Variants in SH3D19 observed in about 807,000 individuals in gnomAD.
SH3D19 encodes the protein SH3 domain containing 19.
Under a neutral mutation model 112.1 loss-of-function variants are expected in SH3D19, and 58 were observed. That is an observed-to-expected ratio of 0.52 (90% confidence interval 0.42 to 0.64). The LOEUF is 0.64. Ranked by LOEUF, SH3D19 falls within the 30% of genes least tolerant of loss-of-function variation. SH3D19 has a pLI of 0.00. For missense variants in SH3D19, 1,090 were observed against 1,263.4 expected (o/e 0.86, Z 2.08); for synonymous variants, 391 against 448.5 (o/e 0.87, Z 1.62).
At chr4:151,153,495 C>T (rs901594968) in intron 9 of SH3D19, among the ~76,000 whole-genome samples, 4 of 152,182 alleles carry the variant, frequency 2.6e-5, no homozygotes, top group Non-Finnish European at 2.9e-5. Context: ...GATCCACCTG[C>T]CTCAGCCTCC....
At chr4:151,199,527 G>A (rs1197568300) in intron 2 of SH3D19, among the ~76,000 whole-genome samples, 1 of 152,170 alleles carries the variant, frequency 6.6e-6, no homozygotes, top group Non-Finnish European at 1.5e-5. Context: ...CTCTGCCTGG[G>A]AAATGATAAA....
intron 17 of SH3D19, among the ~76,000 whole-genome samples, chr4:151,130,757 C>T (rs1308508314): frequency 2.0e-5 from 3 of 151,982 alleles, no homozygotes; most frequent in East Asian, 1.9e-4. Context: ...CTGGCCAAGA[C>T]GGTAAAACCC....
At chr4:151,295,525 G>A (rs1775641862) in intron 1 of SH3D19, among the ~76,000 whole-genome samples, 1 of 152,136 alleles carries the variant, frequency 6.6e-6, no homozygotes, top group Admixed American at 6.5e-5. Context: ...TTTGACTTCG[G>A]AATTCATCAC....
intron 17 of SH3D19, among the ~76,000 whole-genome samples, chr4:151,130,353 T>C (rs912520588): frequency 6.6e-6 from 1 of 152,054 alleles, no homozygotes; most frequent in African/African-American, 2.4e-5. Context: ...GGTGGATTGC[T>C]TGAGCCTGGG....
At chr4:151,208,838 C>T (rs992350912) in intron 2 of SH3D19, among the ~76,000 whole-genome samples, 7 of 151,708 alleles carry the variant, frequency 4.6e-5, no homozygotes, top group South Asian at 2.1e-4. Context: ...CCACCACGCC[C>T]GGGTAATTTT....
At chr4:151,132,270 T>C in intron 17 of SH3D19, 61 bp downstream of exon 17, 1 of 1,345,076 alleles carries the variant, frequency 7.4e-7, no homozygotes. Flanking sequence ...ATTATGATTT[T>C]AATATTCCTC....
intron 1 of SH3D19, among the ~76,000 whole-genome samples, chr4:151,237,268 C>A (rs549583841): frequency 1.3e-5 from 2 of 152,180 alleles, no homozygotes; most frequent in South Asian, 4.1e-4. Context: ...CCGCCAATTT[C>A]GGACATAAGG....
chr4:151,129,114 A>T (rs1307628882), intron 17 of SH3D19, among the ~76,000 whole-genome samples: 1 of 152,194 alleles, frequency 6.6e-6, no homozygotes, highest in Non-Finnish European at 1.5e-5. Flanking sequence ...TTGGTCTATG[A>T]ATTCCCAGGT....
chr4:151,242,923 A>T (rs1770670810), intron 1 of SH3D19, among the ~76,000 whole-genome samples: 1 of 152,238 alleles, frequency 6.6e-6, no homozygotes, highest in African/African-American at 2.4e-5. Context: ...GAAGCTGAAC[A>T]TAGATTTGGC....
intron 2 of SH3D19, among the ~76,000 whole-genome samples, chr4:151,202,642 G>A (rs780592611): frequency 3.3e-5 from 5 of 152,166 alleles, no homozygotes; most frequent in African/African-American, 4.8e-5. Flanking sequence ...GGAATCAACC[G>A]AAATGAAGGT....
chr4:151,137,258 T>C (rs547136281), intron 14 of SH3D19, among the ~76,000 whole-genome samples: 13 of 152,216 alleles, frequency 8.5e-5, no homozygotes, highest in Non-Finnish European at 1.3e-4. Context: ...TAAATACTTC[T>C]GTATTCCCAA....
chr4:151,150,989 C>T (rs1754969534), intron 9 of SH3D19, among the ~76,000 whole-genome samples: 1 of 132,334 alleles, frequency 7.6e-6, no homozygotes, highest in Admixed American at 8.3e-5. Context: ...GAGACAGAGT[C>T]TCACTCTGTC....
At chr4:151,297,171 A>G (rs1441816441) in intron 1 of SH3D19, among the ~76,000 whole-genome samples, 2 of 152,274 alleles carry the variant, frequency 1.3e-5, no homozygotes, top group African/African-American at 4.8e-5. Context: ...TTAATAATTG[A>G]GAAGAAACAT....
chr4:151,207,270 A>C (rs553771797), intron 2 of SH3D19, among the ~76,000 whole-genome samples: 1 of 152,358 alleles, frequency 6.6e-6, no homozygotes, highest in African/African-American at 2.4e-5. Flanking sequence ...AATCTACAAG[A>C]GGAACAATTA....
At chr4:151,279,514 G>T (rs753026565) in intron 1 of SH3D19, among the ~76,000 whole-genome samples, 2 of 152,202 alleles carry the variant, frequency 1.3e-5, no homozygotes, top group Non-Finnish European at 2.9e-5. Flanking sequence ...TCTGTTCAGT[G>T]AATCTAGATA....
At chr4:151,184,623 C>T (rs1428646511) in intron 3 of SH3D19, among the ~76,000 whole-genome samples, 2 of 152,104 alleles carry the variant, frequency 1.3e-5, no homozygotes, top group African/African-American at 4.8e-5. Flanking sequence ...ACCGTTTTCT[C>T]TTCTTTCATG....
rs189646151 is a variant in SH3D19, at chr4:151,233,729, T to C, written c.113-7643A>G. Among the ~76,000 whole-genome samples the C allele has an allele frequency of 1.6e-4, 24 of 152,326 alleles. No individual in the cohort carries two copies. In the East Asian group the frequency reaches 4.2e-3, roughly 27 times the overall value. ...GTGGACATCTTTGTGCGGAGGGGGA[T>C]AGCATCATTCTGCCTAACGCACCCT... On this transcript the variant is annotated intron_variant, in intron 1 of 19. Transcript: ENST00000604030.
intron 9 of SH3D19, among the ~76,000 whole-genome samples, chr4:151,158,125 T>C (rs1236773764): frequency 6.6e-6 from 1 of 152,198 alleles, no homozygotes; most frequent in African/African-American, 2.4e-5. Flanking sequence ...ATGTTTGAGA[T>C]GACAGATATG....
At chr4:151,303,198 T>G (rs543490830) in intron 1 of SH3D19, among the ~76,000 whole-genome samples, 1 of 152,260 alleles carries the variant, frequency 6.6e-6, no homozygotes, top group Non-Finnish European at 1.5e-5. Context: ...GCTTTTCGAG[T>G]GATTATAGCT....
Sources: allele counts gnomAD v4.1 joint callset (sites outside exome capture counted in the v4.1 genomes callset), GRCh38; gene constraint gnomAD v4.1.1; transcripts MANE v1.5; gene names NCBI Gene and HGNC (gene_info 2026-07-23, HGNC 2026-07-21).